The following GUCY1A2 variants were observed in gnomAD, a reference collection of about 807,000 sequenced individuals.
The protein encoded by GUCY1A2 is guanylate cyclase soluble subunit alpha-2.
In GUCY1A2, 27 loss-of-function variants were observed where a neutral mutation model predicts 63.5. The observed-to-expected ratio is 0.43, with a 90% CI of 0.31 to 0.59. The LOEUF (loss-of-function observed/expected upper bound fraction) is 0.59, where lower values mean the gene tolerates loss of function less well. GUCY1A2 is among the 20% of genes least tolerant of loss of function. The pLI is 0.11. For missense variants in GUCY1A2, 768 were observed against 913.3 expected (o/e 0.84, Z 2.05); for synonymous variants, 364 against 343.5 (o/e 1.06, Z -0.66).
At chr11:106,875,447 A>G (rs760637502) in intron 4 of GUCY1A2, among the ~76,000 whole-genome samples, 14 of 152,192 alleles carry the variant, frequency 9.2e-5, no homozygotes, top group Non-Finnish European at 1.6e-4. Flanking sequence ...CAAAAGAAAC[A>G]GAAATATTTG....
rs1232494729 is a variant in GUCY1A2 at position 106,686,963 on chromosome 11, T to C, written c.*586A>G. On this transcript the variant is annotated 3_prime_UTR_variant, in exon 8 of 8. Transcript: ENST00000526355. ...ATATACTAACAATACAGAAGCAGAT[T>C]CTGAAAATCTAATAATGTTGTGCGA... 5.0e-6 allele frequency: 1 copy of C among 201,870 alleles called. No homozygotes were observed. The highest frequency in any genetic ancestry group is 2.3e-5 in the African/African-American group (1 of 43,632). The allele number at this position is 201,870 out of a possible 1,614,324, so 12.5% of individuals were successfully genotyped here. A position where few individuals can be genotyped will look rare whatever the true frequency, so the allele number is the denominator to read the frequency against.
At chr11:106,904,297 G>T (rs1355089088) in intron 4 of GUCY1A2, among the ~76,000 whole-genome samples, 3 of 152,078 alleles carry the variant, frequency 2.0e-5, no homozygotes, top group African/African-American at 4.8e-5. Flanking sequence ...TACTGAAAGT[G>T]TTTATCATAA....
At chr11:106,761,590 T>C (rs1204940596) in intron 6 of GUCY1A2, among the ~76,000 whole-genome samples, 1 of 152,144 alleles carries the variant, frequency 6.6e-6, no homozygotes, top group Non-Finnish European at 1.5e-5. Context: ...GAGATAATTT[T>C]TAAATCTAAA....
At chr11:106,940,417 A>G (rs910302756) in intron 3 of GUCY1A2, among the ~76,000 whole-genome samples, 3 of 152,172 alleles carry the variant, frequency 2.0e-5, no homozygotes, top group African/African-American at 7.2e-5. Context: ...GTTTGTTTTT[A>G]AATAGACTAC....
At chr11:106,892,150 G>C (rs1438943727) in intron 4 of GUCY1A2, among the ~76,000 whole-genome samples, 2 of 151,986 alleles carry the variant, frequency 1.3e-5, no homozygotes, top group Non-Finnish European at 2.9e-5. Flanking sequence ...GACAGTAGTT[G>C]ATGCTATTGT....
At chr11:106,837,336 T>C (rs1168951026) in intron 4 of GUCY1A2, among the ~76,000 whole-genome samples, 1 of 152,090 alleles carries the variant, frequency 6.6e-6, no homozygotes, top group East Asian at 1.9e-4. Flanking sequence ...TGTAGTTCTT[T>C]ATGGCTGCAT....
intron 6 of GUCY1A2, among the ~76,000 whole-genome samples, chr11:106,772,418 A>G (rs76156607): frequency 0.017 from 2,618 of 152,274 alleles, 77 homozygotes; most frequent in African/African-American, 0.06. Flanking sequence ...AAGTTTGGAA[A>G]TGTTCCCACA....
At chr11:106,775,306 A>G (rs1459571373) in intron 6 of GUCY1A2, among the ~76,000 whole-genome samples, 6 of 152,174 alleles carry the variant, frequency 3.9e-5, no homozygotes, top group Admixed American at 3.9e-4. Context: ...AGAACAACTA[A>G]AAGATAAAAA....
chr11:106,844,536 T>C (rs959718531), intron 4 of GUCY1A2, among the ~76,000 whole-genome samples: 1 of 151,794 alleles, frequency 6.6e-6, no homozygotes, highest in African/African-American at 2.4e-5. Context: ...ATCTGGTAGC[T>C]ACCTGTGACT....
At chr11:106,939,150 G>C (rs1860717222) in intron 4 of GUCY1A2, among the ~76,000 whole-genome samples, 1 of 152,166 alleles carries the variant, frequency 6.6e-6, no homozygotes, top group Non-Finnish European at 1.5e-5. Context: ...ACTACATTCA[G>C]TGGAAATATT....
chr11:106,709,652 GTTATATACACGTATAGA>G lies in GUCY1A2; in HGVS notation c.1837-1003_1837-987del, dbSNP rs1565264997. On this transcript the variant is annotated intron_variant, in intron 6 of 7. Transcript: ENST00000526355. ...ATTATATACACGTATAGAATATATA[GTTATATACACGTATAGA>G]ATATATAGTTATATATTATATACAC... Among the ~76,000 whole-genome samples, 29 of 28,862 alleles carry G rather than the reference GTTATATACACGTATAGA, an allele frequency of 1.0e-3. 1 individual carries two copies. The highest frequency in any genetic ancestry group is 9.5e-3 in the African/African-American group (27 of 2,854). 18.9% of individuals were successfully genotyped at this position (28,862 alleles called of 152,430 possible).
intron 3 of GUCY1A2, among the ~76,000 whole-genome samples, chr11:106,968,253 CTCTTT>C (rs1227028896): frequency 9.2e-5 from 14 of 152,048 alleles, no homozygotes; most frequent in African/African-American, 3.4e-4. Flanking sequence ...GTCTATAGGC[CTCTTT>C]TATTTCTTAA....
intron 4 of GUCY1A2, among the ~76,000 whole-genome samples, chr11:106,858,349 G>A (rs1383745902): frequency 6.6e-6 from 1 of 152,136 alleles, no homozygotes; most frequent in Middle Eastern, 3.2e-3. Flanking sequence ...TTGTAAAGTT[G>A]AAAAGCTTTG....
intron 4 of GUCY1A2, among the ~76,000 whole-genome samples, chr11:106,915,302 G>A (rs1030489057): frequency 6.6e-6 from 1 of 152,220 alleles, no homozygotes; most frequent in South Asian, 2.1e-4. Context: ...CAAAGCATAT[G>A]GATAAGTGAC....
At chr11:106,791,690 A>G (rs1864663715) in intron 5 of GUCY1A2, among the ~76,000 whole-genome samples, 1 of 152,200 alleles carries the variant, frequency 6.6e-6, no homozygotes, top group African/African-American at 2.4e-5. Flanking sequence ...AGATTTAAAA[A>G]AGGCCTCCCC....
At chr11:106,803,585 T>A (rs777240575) in intron 5 of GUCY1A2, among the ~76,000 whole-genome samples, 13 of 152,142 alleles carry the variant, frequency 8.5e-5, no homozygotes, top group Non-Finnish European at 1.8e-4. Flanking sequence ...ATATACCTGT[T>A]TGGAAAGTAA....
At chr11:106,806,428 T>A (rs1858687724) in intron 5 of GUCY1A2, among the ~76,000 whole-genome samples, 1 of 152,144 alleles carries the variant, frequency 6.6e-6, no homozygotes, top group Non-Finnish European at 1.5e-5. Flanking sequence ...AAAGTCTTTC[T>A]CCCTGCTTAT....
At position 106,684,181 on chromosome 11, in the gene GUCY1A2, A is replaced by G. The variant is rs181035982; in HGVS notation, c.*3368T>C. ...CAAGACTGTAAGAAACAACATTTGA[A>G]GTGCTGAACCTACAGACCCACTCTC... On this transcript the variant is annotated 3_prime_UTR_variant, in exon 8 of 8. Transcript: ENST00000526355. The G allele has an allele frequency of 6.0e-5, 11 of 184,644 alleles. No individual in the cohort carries two copies. The East Asian group carries it at 8.8e-4, about 15-fold the overall frequency. 11.4% of individuals were successfully genotyped at this position (184,644 alleles called of 1,614,324 possible).
intron 3 of GUCY1A2, among the ~76,000 whole-genome samples, chr11:106,944,457 G>T (rs1255685725): frequency 6.6e-6 from 1 of 151,688 alleles, no homozygotes; most frequent in Non-Finnish European, 1.5e-5. Context: ...GAAAATTACT[G>T]TAGAAGAGTG....
Sources: gnomAD v4.1 joint callset for allele counts (sites outside exome capture counted in the v4.1 genomes callset) on GRCh38, gnomAD v4.1.1 for gene constraint, MANE v1.5 for transcripts, NCBI Gene and HGNC (gene_info 2026-07-23, HGNC 2026-07-21) for gene names.